The following PCNX1 variants were observed in gnomAD, a reference collection of about 807,000 sequenced individuals.
PCNX1 encodes the protein pecanex 1.
In PCNX1, 78 loss-of-function variants were observed where a neutral mutation model predicts 242.2. That is an observed-to-expected ratio of 0.32 (90% CI 0.27 to 0.39). PCNX1 has a LOEUF of 0.39. Ranked by LOEUF, PCNX1 falls within the 10% of genes least tolerant of loss-of-function variation. The probability of loss-of-function intolerance (pLI) is 1.00; values close to 1 mark genes in which losing one functional copy is unlikely to be tolerated. For synonymous variants in PCNX1, 1,024 were observed against 1,032.9 expected (o/e 0.99, Z 0.17); for missense variants, 2,581 against 2,856.5 (o/e 0.90, Z 2.20).
chr14:71,001,226 T>G (rs1323086322), intron 8 of PCNX1, among the ~76,000 whole-genome samples: 2 of 152,228 alleles, frequency 1.3e-5, no homozygotes, highest in Non-Finnish European at 2.9e-5. Context: ...CTGTGCTGAA[T>G]GTCCATTACA....
chr14:71,047,202 A>G (rs1389601293), intron 21 of PCNX1, 97 bp downstream of exon 21: 3 of 729,114 alleles, frequency 4.1e-6, no homozygotes, highest in Non-Finnish European at 6.0e-6. Context: ...TGTTTCCTTC[A>G]TGCAAGGCAC....
At chr14:71,010,118 G>T (rs1470207184) in intron 9 of PCNX1, among the ~76,000 whole-genome samples, 1 of 151,894 alleles carries the variant, frequency 6.6e-6, no homozygotes, top group African/African-American at 2.4e-5. Context: ...AAAAACTTAA[G>T]GTAGAATTTT....
chr14:71,081,561 A>G (rs956734673), intron 28 of PCNX1, among the ~76,000 whole-genome samples: 3 of 152,136 alleles, frequency 2.0e-5, no homozygotes, highest in Non-Finnish European at 4.4e-5. Context: ...TTATTGATCT[A>G]TTCAGGGATT....
chr14:71,025,953 T>C (rs552131055), intron 13 of PCNX1, among the ~76,000 whole-genome samples, 164 bp from the exon 14 acceptor site: 6 of 152,346 alleles, frequency 3.9e-5, no homozygotes, highest in Non-Finnish European at 8.8e-5. Context: ...CATTCTGTTA[T>C]TCTTCCTCCT....
chr14:71,065,389 A>G (rs975776611), intron 26 of PCNX1, among the ~76,000 whole-genome samples: 5 of 152,150 alleles, frequency 3.3e-5, no homozygotes, highest in African/African-American at 1.2e-4. Flanking sequence ...GCTTTTCTTC[A>G]TATGTTTTTT....
intron 9 of PCNX1, among the ~76,000 whole-genome samples, chr14:71,011,236 A>G (rs2059812026): frequency 6.6e-6 from 1 of 152,150 alleles, no homozygotes; most frequent in Non-Finnish European, 1.5e-5. Context: ...TACAGATACT[A>G]TTGTCATATG....
At chr14:71,018,352 T>C (rs2060011726) in intron 11 of PCNX1, among the ~76,000 whole-genome samples, 1 of 152,162 alleles carries the variant, frequency 6.6e-6, no homozygotes, top group African/African-American at 2.4e-5. Context: ...TATATATATA[T>C]GTATATCTTG....
At chr14:71,093,667 G>A (rs1389168659) in intron 30 of PCNX1, 3 of 152,212 alleles carry the variant, frequency 2.0e-5, no homozygotes, top group Non-Finnish European at 4.4e-5. Context: ...TGTCAGAAAA[G>A]TACAATGTTT....
At chr14:71,031,681 C>G in intron 16 of PCNX1, 1 of 754,624 alleles carries the variant, frequency 1.3e-6, no homozygotes, top group East Asian at 2.6e-5. Context: ...CTGCTCACGT[C>G]TGTACATGAG....
chr14:70,938,810 T>G (rs865821609), intron 1 of PCNX1, among the ~76,000 whole-genome samples: 24 of 152,218 alleles, frequency 1.6e-4, no homozygotes, highest in Middle Eastern at 3.2e-3. Context: ...TTTCAAAGCC[T>G]GCTATTGGTG....
chr14:71,021,679 GCTTTT>G (rs751663768), intron 12 of PCNX1, among the ~76,000 whole-genome samples: 2 of 152,082 alleles, frequency 1.3e-5, no homozygotes, highest in East Asian at 3.9e-4. Flanking sequence ...TTGCTAAATT[GCTTTT>G]CTTAAGTCTC....
At chr14:71,024,603 C>T (rs1222494606) in intron 13 of PCNX1, among the ~76,000 whole-genome samples, 2 of 152,218 alleles carry the variant, frequency 1.3e-5, no homozygotes, top group East Asian at 3.9e-4. Flanking sequence ...TGCAAAAGTG[C>T]ATCATATTAG....
intron 18 of PCNX1, among the ~76,000 whole-genome samples, chr14:71,035,629 G>T (rs1231571314): frequency 8.7e-5 from 13 of 149,744 alleles, no homozygotes; most frequent in African/African-American, 3.2e-4. Flanking sequence ...GGTATGGTGG[G>T]GTGTGGTGGC....
chr14:71,057,749 T>A, intron 26 of PCNX1, 25 bp downstream of exon 26: 1 of 1,475,890 alleles, frequency 6.8e-7, no homozygotes, highest in Non-Finnish European at 9.5e-7. Context: ...CACCTTTTAT[T>A]TCTGTAGCAT....
intron 19 of PCNX1, among the ~76,000 whole-genome samples, chr14:71,036,529 G>C (rs958710535): frequency 6.6e-6 from 1 of 152,082 alleles, no homozygotes; most frequent in Non-Finnish European, 1.5e-5. Context: ...GTTGCCTACA[G>C]TATTCAGTAC....
intron 1 of PCNX1, among the ~76,000 whole-genome samples, chr14:70,918,134 C>G (rs1184531520): frequency 6.6e-6 from 1 of 152,150 alleles, no homozygotes; most frequent in Non-Finnish European, 1.5e-5. Context: ...TCTATTCAGA[C>G]CACTCAAACT....
At chr14:71,079,676 T>C (rs187772598) in intron 28 of PCNX1, among the ~76,000 whole-genome samples, 3 of 152,346 alleles carry the variant, frequency 2.0e-5, no homozygotes, top group Admixed American at 2.0e-4. Context: ...CATAAATGTC[T>C]TCTTTTGAGA....
chr14:71,047,777 G>T, intron 21 of PCNX1, 30 bp from the exon 22 acceptor site: 1 of 1,566,374 alleles, frequency 6.4e-7, no homozygotes, highest in South Asian at 1.2e-5. Flanking sequence ...TTTCAGTCAT[G>T]AGTTGATTTG....
chr14:70,962,303 C>T lies in PCNX1; in HGVS notation c.440C>T (p.Ser147Phe). Residue 147 changes from serine to phenylalanine, a missense_variant, in exon 3 of 36, where the codon TCT becomes TTT. Ser to Phe is a radical substitution (Grantham distance 155). This residue lies in a region of PCNX1 where 1,204 missense variants were observed against 1,216.7 expected (regional missense o/e 0.99). Transcript: ENST00000304743. ...CCAGTTGGTTGCAGTTCCAGAAATT[C>T]TTATGCCGGTCTAGATCCAAGCAAC... ...TPPVGCSSRN[S>F]YAGLDPSNQI... The T allele has an allele frequency of 6.2e-7, 1 of 1,612,874 alleles. No homozygotes were observed. The highest frequency in any genetic ancestry group is 8.5e-7 in the Non-Finnish European group (1 of 1,178,922).
Sources: gnomAD v4.1 joint callset for allele counts (sites outside exome capture counted in the v4.1 genomes callset) on GRCh38, gnomAD v4.1.1 for gene constraint, gnomAD v4.1.1 regional missense constraint, MANE v1.5 for transcripts, NCBI Gene and HGNC (gene_info 2026-07-23, HGNC 2026-07-21) for gene names.